Variants in ADAM23 observed in about 807,000 individuals in gnomAD.
The protein encoded by ADAM23 is ADAM metallopeptidase domain 23, also known as disintegrin and metalloproteinase domain-containing protein 23.
A neutral mutation model predicts 120.1 loss-of-function variants in ADAM23; 33 were observed. The observed-to-expected ratio is 0.27, with a 90% CI of 0.21 to 0.37. The LOEUF (loss-of-function observed/expected upper bound fraction) is 0.37. ADAM23 is among the 10% of genes least tolerant of loss of function. ADAM23 has a pLI of 1.00. For missense variants in ADAM23, 862 were observed against 1,058.2 expected (o/e 0.81, Z 2.57); for synonymous variants, 367 against 375.2 (o/e 0.98, Z 0.25).
At chr2:206,604,983 T>C (rs1698703831) in intron 24 of ADAM23, among the ~76,000 whole-genome samples, 4 of 152,236 alleles carry the variant, frequency 2.6e-5, no homozygotes, top group Non-Finnish European at 5.9e-5. Flanking sequence ...CTTCCAACTT[T>C]AACACCAAAC....
chr2:206,570,876 T>C, intron 16 of ADAM23, 65 bp downstream of exon 16: 2 of 1,381,906 alleles, frequency 1.4e-6, no homozygotes, highest in Non-Finnish European at 2.1e-6. Context: ...GGTATAGCAT[T>C]TGTGAGAGGC....
At chr2:206,496,367 A>G (rs567557197) in intron 3 of ADAM23, among the ~76,000 whole-genome samples, 2 of 152,334 alleles carry the variant, frequency 1.3e-5, no homozygotes, top group South Asian at 2.1e-4. Context: ...CCGCTCAACT[A>G]CATGGAAACT....
At chr2:206,574,402 CT>C (rs79570605) in intron 18 of ADAM23, among the ~76,000 whole-genome samples, 198 of 128,572 alleles carry the variant, frequency 1.5e-3, no homozygotes, top group Non-Finnish European at 2.3e-3. Flanking sequence ...GTGTGGTTTT[CT>C]TTTTTTTTTT....
Position 206,591,680 on chromosome 2 carries a change from G to T in ADAM23, c.1959-937G>T, listed in dbSNP as rs78597986. On this transcript the variant is annotated intron_variant, in intron 21 of 25. Transcript: ENST00000264377. Reference sequence around the variant, plus strand: ...AGGCCTGTACATAAGTAGAAAATTTGCTAAGTCATAGGGGATCTTATCATT... The same window carrying T: ...AGGCCTGTACATAAGTAGAAAATTTTCTAAGTCATAGGGGATCTTATCATT... Among the ~76,000 whole-genome samples, 295 of 152,226 alleles carry T rather than the reference G, an allele frequency of 1.9e-3. 10 individuals carry two copies. In the East Asian group the frequency reaches 0.051, roughly 26 times the overall value.
chr2:206,514,119 C>G (rs1221873878), intron 3 of ADAM23, among the ~76,000 whole-genome samples: 1 of 152,160 alleles, frequency 6.6e-6, no homozygotes, highest in Non-Finnish European at 1.5e-5. Flanking sequence ...GCCCATGAAT[C>G]AAGGAGTAAT....
intron 2 of ADAM23, among the ~76,000 whole-genome samples, chr2:206,470,311 GA>G (rs895220240): frequency 3.3e-5 from 5 of 149,884 alleles, no homozygotes; most frequent in African/African-American, 9.8e-5. Context: ...TTCACATTTA[GA>G]AAAAAAAATG....
At chr2:206,605,670 G>C (rs945838829) in intron 24 of ADAM23, 27 of 648,608 alleles carry the variant, frequency 4.2e-5, no homozygotes, top group Non-Finnish European at 6.9e-5. Context: ...AAATCTTATA[G>C]CAAAAAAATT....
intron 25 of ADAM23, among the ~76,000 whole-genome samples, chr2:206,615,104 A>G (rs991485265): frequency 2.1e-4 from 32 of 152,232 alleles, no homozygotes; most frequent in African/African-American, 7.5e-4. Flanking sequence ...CCTTGAAAGA[A>G]GAACTAAAGG....
chr2:206,526,558 A>G (rs911608035), intron 3 of ADAM23, among the ~76,000 whole-genome samples: 5 of 152,162 alleles, frequency 3.3e-5, no homozygotes, highest in African/African-American at 9.7e-5. Context: ...CAGGGTTGCC[A>G]TGGAAGAGAG....
At chr2:206,563,726 T>C (rs942315478) in intron 13 of ADAM23, among the ~76,000 whole-genome samples, 4 of 64,272 alleles carry the variant, frequency 6.2e-5, no homozygotes, top group Non-Finnish European at 1.2e-4. Flanking sequence ...TTCCTAAAAT[T>C]CTTTTTTTTT....
intron 3 of ADAM23, among the ~76,000 whole-genome samples, chr2:206,520,787 CT>C (rs1696826756): frequency 6.6e-6 from 1 of 152,032 alleles, no homozygotes; most frequent in African/African-American, 2.4e-5. Flanking sequence ...TATAAATAGC[CT>C]TCCAAGTTCT....
intron 24 of ADAM23, among the ~76,000 whole-genome samples, chr2:206,607,369 C>G (rs1698748333): frequency 6.6e-6 from 1 of 152,196 alleles, no homozygotes; most frequent in Non-Finnish European, 1.5e-5. Context: ...CAGCTCCATG[C>G]ATGCATTTAT....
In ADAM23 at chr2:206,594,979, G is replaced by T. The variant is rs1177013799; in HGVS notation, c.2247+74G>T. ...TCACAGTGACTGGACTTTAATTTCA[G>T]CCATTCTCCTAGCCAACATGGTGAA... is the stretch of plus-strand genomic sequence containing the variant. On this transcript the variant is annotated intron_variant, in intron 23 of 25. Transcript: ENST00000264377. 6 of 1,561,922 alleles carry T rather than the reference G, an allele frequency of 3.8e-6. No homozygotes were observed. In the East Asian group the frequency reaches 1.4e-4, roughly 35 times the overall value.
intron 25 of ADAM23, among the ~76,000 whole-genome samples, chr2:206,616,087 A>G (rs1698930467): frequency 6.6e-6 from 1 of 152,194 alleles, no homozygotes; most frequent in African/African-American, 2.4e-5. Context: ...GTCATTTCAC[A>G]AGGTCAGGCA....
chr2:206,455,402 G>A (rs1254783329), intron 2 of ADAM23, among the ~76,000 whole-genome samples: 1 of 152,112 alleles, frequency 6.6e-6, no homozygotes. Context: ...TCCCTTCTAG[G>A]CCTCTGGACC....
chr2:206,540,216 TACACACACACACACACAC>T lies in ADAM23; in HGVS notation c.574-1800_574-1783del, dbSNP rs71034461. On this transcript the variant is annotated intron_variant, in intron 4 of 25. Transcript: ENST00000264377. ...AGAAAAGAAAAGCAGCCCTTCACTGTACACACACACACACACACACACACACACACACACACACACACA... is the reference window on the plus strand; with the variant it reads ...AGAAAAGAAAAGCAGCCCTTCACTGTACACACACACACACACACACACACA... Among the ~76,000 whole-genome samples, 374 of 131,932 alleles carry T rather than the reference TACACACACACACACACAC, an allele frequency of 2.8e-3. 3 individuals carry two copies. Among genetic ancestry groups the T allele is most frequent in the African/African-American group, 7.2e-3 (242 of 33,610 alleles). The allele number at this position is 131,932 out of a possible 152,430, so 86.6% of individuals were successfully genotyped here.
chr2:206,569,070 A>G (rs1360402380), intron 15 of ADAM23, among the ~76,000 whole-genome samples: 1 of 152,246 alleles, frequency 6.6e-6, no homozygotes, highest in East Asian at 1.9e-4. Context: ...TGGGTGAAAT[A>G]AGTAATAATG....
intron 3 of ADAM23, among the ~76,000 whole-genome samples, chr2:206,492,727 T>A (rs1278570219): frequency 6.6e-6 from 1 of 152,118 alleles, no homozygotes; most frequent in Non-Finnish European, 1.5e-5. Context: ...ATCTCATTAA[T>A]CTCATTGATA....
At chr2:206,520,522 CTCT>C (rs771516328) in intron 3 of ADAM23, among the ~76,000 whole-genome samples, 72 of 152,182 alleles carry the variant, frequency 4.7e-4, no homozygotes, top group Admixed American at 1.1e-3. Flanking sequence ...TTCTTTAATT[CTCT>C]TCTTCTTATT....
Sources: allele counts gnomAD v4.1 joint callset (sites outside exome capture counted in the v4.1 genomes callset), GRCh38; gene constraint gnomAD v4.1.1; transcripts MANE v1.5; gene names NCBI Gene and HGNC (gene_info 2026-07-23, HGNC 2026-07-21).